Variants in PARD3B observed in about 807,000 individuals in gnomAD.
PARD3B encodes par-3 family cell polarity regulator beta.
Under a neutral mutation model 130.2 loss-of-function variants are expected in PARD3B, and 103 were observed. The observed-to-expected ratio is 0.79, with a 90% confidence interval of 0.67 to 0.93. The LOEUF is 0.93. PARD3B is among the 40% of genes least tolerant of loss of function. The pLI is 0.00. For synonymous variants in PARD3B, 583 were observed against 553.2 expected (o/e 1.05, Z -0.76); for missense variants, 1,609 against 1,499.2 (o/e 1.07, Z -1.21).
rs191876775 is a variant in PARD3B at position 204,613,596 on chromosome 2, C to T, written c.120+67477C>T. On this transcript the variant is annotated intron_variant, in intron 1 of 22. Coordinates refer to ENST00000406610, the MANE Select transcript of PARD3B (RefSeq NM_001302769.2). ...CTTCTAATTTTCTTTTTTTTGGCCA[C>T]CTATTTTCCCTTTCTTTGTCTTTTT... is the stretch of plus-strand genomic sequence containing the variant. 3.1e-3 allele frequency among the ~76,000 whole-genome samples: 473 copies of T among 151,984 alleles called. 2 individuals carry two copies. The highest frequency in any genetic ancestry group is 5.1e-3 in the Non-Finnish European group (345 of 67,948).
chr2:204,656,479 T>A (rs756496566), intron 1 of PARD3B, among the ~76,000 whole-genome samples: 20 of 152,308 alleles, frequency 1.3e-4, no homozygotes, highest in Middle Eastern at 3.4e-3. Context: ...CTTCACTGTT[T>A]ACAGTCTTAA....
chr2:205,384,879 C>G (rs2045606075), intron 18 of PARD3B, among the ~76,000 whole-genome samples: 1 of 152,098 alleles, frequency 6.6e-6, no homozygotes, highest in African/African-American at 2.4e-5. Context: ...TGCTGACATA[C>G]TAACCCTGAG....
Position 204,581,409 on chromosome 2 carries a change from G to A in PARD3B, c.120+35290G>A, listed in dbSNP as rs572726081. 4.0e-5 allele frequency among the ~76,000 whole-genome samples: 6 copies of A among 151,874 alleles called. No homozygotes were observed. In the South Asian group the frequency reaches 1.2e-3, roughly 32 times the overall value. ...CTTGTTATGAACTGATAAATGCTTT[G>A]TAATTACTCTGTAACTAAAAATGTT... is the stretch of plus-strand genomic sequence containing the variant. On this transcript the variant is annotated intron_variant, in intron 1 of 22. Coordinates refer to ENST00000406610, the MANE Select transcript of PARD3B (RefSeq NM_001302769.2).
intron 20 of PARD3B, among the ~76,000 whole-genome samples, chr2:205,445,340 G>A (rs902489560): frequency 2.0e-5 from 3 of 152,162 alleles, no homozygotes; most frequent in Non-Finnish European, 4.4e-5. Context: ...CTGTGACTGG[G>A]TAATTTACAA....
At chr2:204,921,054 C>T (rs557228692) in intron 2 of PARD3B, among the ~76,000 whole-genome samples, 1 of 152,280 alleles carries the variant, frequency 6.6e-6, no homozygotes, top group Non-Finnish European at 1.5e-5. Context: ...ATAATGTGGT[C>T]AGGCAGATGT....
intron 1 of PARD3B, among the ~76,000 whole-genome samples, chr2:204,625,649 G>C (rs539334490): frequency 3.3e-5 from 5 of 152,232 alleles, no homozygotes; most frequent in Non-Finnish European, 5.9e-5. Flanking sequence ...ATTGCTATTA[G>C]CTCTAGGTAT....
intron 10 of PARD3B, among the ~76,000 whole-genome samples, chr2:205,129,744 C>T (rs1410420569): frequency 1.3e-5 from 2 of 152,154 alleles, no homozygotes; most frequent in African/African-American, 4.8e-5. Flanking sequence ...TCCTTGTTAT[C>T]GTTAGCTTCT....
intron 15 of PARD3B, among the ~76,000 whole-genome samples, chr2:205,237,801 T>C (rs1482758647): frequency 6.6e-6 from 1 of 152,176 alleles, no homozygotes; most frequent in Non-Finnish European, 1.5e-5. Context: ...TCTACATTTC[T>C]AAAGTTCATT....
At chr2:204,824,813 C>A (rs901998054) in intron 2 of PARD3B, among the ~76,000 whole-genome samples, 9 of 152,164 alleles carry the variant, frequency 5.9e-5, no homozygotes, top group Non-Finnish European at 1.5e-5. Context: ...TTCCTACAAT[C>A]AGGTTTTGAG....
intron 4 of PARD3B, among the ~76,000 whole-genome samples, chr2:205,085,032 G>A (rs1209573005): frequency 1.3e-5 from 2 of 151,924 alleles, no homozygotes; most frequent in African/African-American, 4.8e-5. Context: ...GTAGTAGCTG[G>A]CAGTTATTGA....
At position 205,116,555 on chromosome 2, in the gene PARD3B, G is replaced by C. The variant is rs749920849; in HGVS notation, c.681-2366G>C. On this transcript the variant is annotated intron_variant, in intron 6 of 22. Coordinates refer to ENST00000406610, the MANE Select transcript of PARD3B (RefSeq NM_001302769.2). The surrounding 1 kb of genome is among the most constrained non-coding windows in gnomAD (Gnocchi z 4.5). ...TAATGCAAATTAACTGGTTAGTCTC[G>C]GCCTATAACTCCTCGACAGCATTAA... Among the ~76,000 whole-genome samples, 1 of 152,076 alleles carries C rather than the reference G, an allele frequency of 6.6e-6. No homozygotes were observed. Among genetic ancestry groups the C allele is most frequent in the Non-Finnish European group, 1.5e-5 (1 of 68,012 alleles).
chr2:205,112,343 T>A (rs1267747376), intron 5 of PARD3B, among the ~76,000 whole-genome samples: 1 of 152,104 alleles, frequency 6.6e-6, no homozygotes, highest in Admixed American at 6.6e-5. Context: ...AGAATATATT[T>A]AATGTATTTA....
chr2:204,860,830 T>C (rs1387519791), intron 2 of PARD3B, among the ~76,000 whole-genome samples: 1 of 151,682 alleles, frequency 6.6e-6, no homozygotes, highest in Non-Finnish European at 1.5e-5. Flanking sequence ...TTTGATAAGT[T>C]AAAAAAAAAT....
chr2:205,426,166 G>T (rs2047139064), intron 19 of PARD3B, among the ~76,000 whole-genome samples: 1 of 152,054 alleles, frequency 6.6e-6, no homozygotes, highest in Admixed American at 6.6e-5. Context: ...AAATATTAAT[G>T]CAGTTAAAAT....
intron 16 of PARD3B, among the ~76,000 whole-genome samples, chr2:205,252,068 A>G (rs973882562): frequency 3.9e-5 from 6 of 152,290 alleles, no homozygotes; most frequent in Non-Finnish European, 7.4e-5. Flanking sequence ...TGCAAAAAAA[A>G]TTACTGAATA....
chr2:204,861,444 T>C (rs1362885999), intron 2 of PARD3B, among the ~76,000 whole-genome samples: 2 of 152,144 alleles, frequency 1.3e-5, no homozygotes, highest in Admixed American at 1.3e-4. Flanking sequence ...CTATACATAT[T>C]CTTAATAGTT....
chr2:204,630,611 T>G (rs1420129498), intron 1 of PARD3B, among the ~76,000 whole-genome samples: 1 of 152,208 alleles, frequency 6.6e-6, no homozygotes, highest in East Asian at 1.9e-4. Context: ...TTTTGTCTTT[T>G]AGTGGTAAAA....
At chr2:204,563,206 G>A (rs1309362044) in intron 1 of PARD3B, among the ~76,000 whole-genome samples, 1 of 122,340 alleles carries the variant, frequency 8.2e-6, no homozygotes, top group South Asian at 2.6e-4. Flanking sequence ...TTTACATGCC[G>A]TCTTCCCGCT....
At chr2:205,152,652 C>T (rs1007672132) in intron 10 of PARD3B, among the ~76,000 whole-genome samples, 5 of 152,034 alleles carry the variant, frequency 3.3e-5, no homozygotes, top group South Asian at 2.1e-4. Flanking sequence ...GTTAGCCATT[C>T]GTCTAATCTT....
Sources: gnomAD v4.1 joint callset for allele counts (sites outside exome capture counted in the v4.1 genomes callset) on GRCh38, gnomAD v4.1.1 for gene constraint, Gnocchi (gnomAD v3.1) non-coding constraint, MANE v1.5 for transcripts, NCBI Gene and HGNC (gene_info 2026-07-23, HGNC 2026-07-21) for gene names.